Variants in CPT2 observed in about 807,000 individuals in gnomAD.
The protein encoded by CPT2 is carnitine O-palmitoyltransferase 2, mitochondrial.
CPT2 carries 37 observed loss-of-function variants against 48.6 expected under a neutral mutation model. The observed-to-expected ratio is 0.76, with a 90% CI of 0.59 to 1.00. The LOEUF is 1.00. CPT2 is among the 50% of genes least tolerant of loss of function. The probability of loss-of-function intolerance (pLI) is 0.00; values close to 1 mark genes in which losing one functional copy is unlikely to be tolerated. For synonymous variants in CPT2, 319 were observed against 326.9 expected (o/e 0.98, Z 0.26); for missense variants, 772 against 825.6 (o/e 0.94, Z 0.80).
rs1645424482 is a variant in CPT2, at chr1:53,211,117, G to A, written c.1443G>A (p.Gln481=). ...FQMAFLRQYG[Q]TVATYESCST... ...TGGCCTTCCTGCGGCAGTACGGGCA[G>A]ACAGTGGCCACCTACGAGTCCTGTA... Residue 481 remains glutamine, a synonymous_variant, in exon 4 of 5, where the codon CAG becomes CAA. Coordinates refer to ENST00000371486, the MANE Select transcript of CPT2 (RefSeq NM_000098.3). 4 of 1,614,114 alleles carry A rather than the reference G, an allele frequency of 2.5e-6. No individual in the cohort carries two copies. The highest frequency in any genetic ancestry group is 2.7e-5 in the African/African-American group (2 of 75,066).
At chr1:53,202,782 C>A (rs1645362428) in intron 3 of CPT2, 2 of 309,540 alleles carry the variant, frequency 6.5e-6, no homozygotes, top group Non-Finnish European at 1.3e-5. Flanking sequence ...TCTTCTCTCA[C>A]CACCCACCCT....
Position 53,211,339 on chromosome 1 carries a change from C to G in CPT2, c.1645+20C>G. On this transcript the variant is annotated intron_variant, in intron 4 of 4. Transcript: ENST00000371486. ...CAATGGGTGAGGCAGGGGTGGGGAGCATGCCCTTGGGTCTTGTCCTCAGTG... is the reference window on the plus strand; with the variant it reads ...CAATGGGTGAGGCAGGGGTGGGGAGGATGCCCTTGGGTCTTGTCCTCAGTG... The G allele has an allele frequency of 1.3e-6, 2 of 1,575,574 alleles. No individual in the cohort carries two copies. Among genetic ancestry groups the G allele is most frequent in the East Asian group, 4.7e-5 (2 of 42,712 alleles).
Position 53,198,280 on chromosome 1 carries a change from G to T in CPT2, c.152+1185G>T, listed in dbSNP as rs113479952. 1.1e-4 allele frequency among the ~76,000 whole-genome samples: 17 copies of T among 152,272 alleles called. 1 individual carries two copies. Among genetic ancestry groups the T allele is most frequent in the African/African-American group, 4.1e-4 (17 of 41,536 alleles). On this transcript the variant is annotated intron_variant, in intron 1 of 4. Coordinates refer to ENST00000371486, the MANE Select transcript of CPT2 (RefSeq NM_000098.3). ...GCTAGAGGCCAGGCTTCTTCCCCATGTGTGGAACATTGTGTCACAGGCCTC... is the reference window on the plus strand; with the variant it reads ...GCTAGAGGCCAGGCTTCTTCCCCATTTGTGGAACATTGTGTCACAGGCCTC...
chr1:53,205,505 C>T (rs538042787), intron 3 of CPT2, among the ~76,000 whole-genome samples: 61 of 152,282 alleles, frequency 4.0e-4, no homozygotes, highest in African/African-American at 1.4e-3. Context: ...TGCAGCCTGA[C>T]CATGCAGTAG....
rs752325732 is a variant in CPT2, at chr1:53,213,393, TGA to T, written c.1777_1778del (p.Ser593GlnfsTer15). ...CACAATGTCCTGTCCACGAGCACAC[TGA>T]GCAGCCCAGCAGTGAACCTTGGGGG... On this transcript the variant is annotated frameshift_variant, in exon 5 of 5. Coordinates refer to ENST00000371486, the MANE Select transcript of CPT2 (RefSeq NM_000098.3). LOFTEE classifies it high-confidence loss of function. The T allele has an allele frequency of 1.9e-6, 3 of 1,614,250 alleles. No individual in the cohort carries two copies. In the Admixed American group the frequency reaches 5.0e-5, roughly 27 times the overall value.
intron 1 of CPT2, among the ~76,000 whole-genome samples, chr1:53,198,838 C>T (rs1645339161): frequency 6.6e-6 from 1 of 152,184 alleles, no homozygotes; most frequent in Non-Finnish European, 1.5e-5. Flanking sequence ...TCCCCCAGAC[C>T]TCCATTACCT....
At chr1:53,212,254 G>A (rs1014761358) in intron 4 of CPT2, among the ~76,000 whole-genome samples, 2 of 151,926 alleles carry the variant, frequency 1.3e-5, no homozygotes, top group South Asian at 2.1e-4. Context: ...CAATAGAGAC[G>A]GGGTTTCACT....
At chr1:53,197,631 C>G (rs541665504) in intron 1 of CPT2, 12 of 217,828 alleles carry the variant, frequency 5.5e-5, no homozygotes, top group Middle Eastern at 1.9e-3. Context: ...TCTTTCACCC[C>G]CCATGAGCCC....
Position 53,213,274 on chromosome 1 carries a change from T to C in CPT2, c.1656T>C (p.Phe552=). The change falls in exon 5 of 5, where the codon TTT becomes TTC. Residue 552 remains phenylalanine, a synonymous_variant. Coordinates refer to ENST00000371486, the MANE Select transcript of CPT2 (RefSeq NM_000098.3). ...LTKEAAMGQG[F]DRHLFALRHL... Reference sequence around the variant, plus strand: ...TTTTGTTTCTCACAGGCCAGGGCTTTGACCGACACTTGTTTGCTCTGCGGC... The same window carrying C: ...TTTTGTTTCTCACAGGCCAGGGCTTCGACCGACACTTGTTTGCTCTGCGGC... 1 of 1,614,216 alleles carries C rather than the reference T, an allele frequency of 6.2e-7. No individual in the cohort carries two copies. The highest frequency in any genetic ancestry group is 1.1e-5 in the South Asian group (1 of 91,090).
chr1:53,199,227 A>G (rs1447353848), intron 1 of CPT2, among the ~76,000 whole-genome samples: 1 of 151,996 alleles, frequency 6.6e-6, no homozygotes, highest in Admixed American at 6.6e-5. Flanking sequence ...CACCCAGCTA[A>G]TTTTTGTATT....
chr1:53,207,307 C>T (rs1645395045), intron 3 of CPT2, among the ~76,000 whole-genome samples: 1 of 152,184 alleles, frequency 6.6e-6, no homozygotes, highest in African/African-American at 2.4e-5. Context: ...TAAACTGCTT[C>T]CCTGGGTTGC....
chr1:53,201,969 C>T, intron 2 of CPT2: 1 of 295,504 alleles, frequency 3.4e-6, no homozygotes. Context: ...AGACTCAGAT[C>T]AAGTAACTTA....
chr1:53,198,485 C>T (rs1254525121), intron 1 of CPT2, among the ~76,000 whole-genome samples: 2 of 152,204 alleles, frequency 1.3e-5, no homozygotes, highest in East Asian at 1.9e-4. Flanking sequence ...GAAAAAGGGG[C>T]TTTGTGCCTG....
chr1:53,196,886 G>A lies in CPT2; in HGVS notation c.-58G>A. The A allele has an allele frequency of 6.6e-7, 1 of 1,526,050 alleles. No individual in the cohort carries two copies. Among genetic ancestry groups the A allele is most frequent in the East Asian group, 2.5e-5 (1 of 39,818 alleles). The allele number at this position is 1,526,050 out of a possible 1,614,324, so 94.5% of individuals were successfully genotyped here. On this transcript the variant is annotated 5_prime_UTR_variant, in exon 1 of 5. Coordinates refer to ENST00000371486, the MANE Select transcript of CPT2 (RefSeq NM_000098.3). ...GCGCTAACGGCGGCGGCGGCCTTGTGTTTAGACTCCAGAACTCCCCACTTG... is the reference window on the plus strand; with the variant it reads ...GCGCTAACGGCGGCGGCGGCCTTGTATTTAGACTCCAGAACTCCCCACTTG...
intron 1 of CPT2, 129 bp from the exon 2 acceptor site, chr1:53,200,590 G>A (rs1645348286): frequency 5.2e-6 from 4 of 776,174 alleles, no homozygotes; most frequent in Non-Finnish European, 9.2e-6. Flanking sequence ...ATTCTGATTT[G>A]TCAGTCGCTT....
At chr1:53,211,350 G>A (rs993195943) in intron 4 of CPT2, 31 bp downstream of exon 4, 3 of 1,558,892 alleles carry the variant, frequency 1.9e-6, no homozygotes, top group African/African-American at 2.7e-5. Flanking sequence ...ATGCCCTTGG[G>A]TCTTGTCCTC....
At chr1:53,204,929 A>G (rs1275578226) in intron 3 of CPT2, among the ~76,000 whole-genome samples, 1 of 152,182 alleles carries the variant, frequency 6.6e-6, no homozygotes, top group Admixed American at 6.5e-5. Flanking sequence ...CTGTCAGTCA[A>G]TTAGACCTCT....
At chr1:53,208,714 G>C (rs907806436) in intron 3 of CPT2, 1 of 152,304 alleles carries the variant, frequency 6.6e-6, no homozygotes, top group East Asian at 1.9e-4. Context: ...TAACTATTCT[G>C]TTCCAGCATG....
chr1:53,213,357 G>A lies in CPT2; in HGVS notation c.1739G>A (p.Gly580Glu). 3 of 1,614,228 alleles carry A rather than the reference G, an allele frequency of 1.9e-6. No homozygotes were observed. The highest frequency in any genetic ancestry group is 2.5e-6 in the Non-Finnish European group (3 of 1,180,056). Reference protein sequence around the residue: ...LPELYLDPAYGQINHNVLSTS... With the variant: ...LPELYLDPAYEQINHNVLSTS... Reference sequence around the variant, plus strand: ...GAGCTCTACCTGGACCCTGCATACGGGCAGATAAACCACAATGTCCTGTCC... The same window carrying A: ...GAGCTCTACCTGGACCCTGCATACGAGCAGATAAACCACAATGTCCTGTCC... The change falls in exon 5 of 5, where the codon GGG becomes GAG. Residue 580 changes from glycine to glutamate, a missense_variant. Transcript: ENST00000371486.
Sources: allele counts gnomAD v4.1 joint callset (sites outside exome capture counted in the v4.1 genomes callset), GRCh38; gene constraint gnomAD v4.1.1; transcripts MANE v1.5; gene names NCBI Gene and HGNC (gene_info 2026-07-23, HGNC 2026-07-21).